CNR1: variants seen among roughly 807,000 people sequenced by gnomAD.
The protein encoded by CNR1 is cannabinoid receptor 1 (brain).
A neutral mutation model predicts 23.0 loss-of-function variants in CNR1; 10 were observed. The ratio of observed to expected loss-of-function variants is 0.43; its 90% confidence interval spans 0.27 to 0.74. The LOEUF (loss-of-function observed/expected upper bound fraction) is 0.74, where lower values mean the gene tolerates loss of function less well. CNR1 is among the 30% of genes least tolerant of loss of function. CNR1 has a pLI of 0.19. For missense variants in CNR1, 422 were observed against 618.8 expected (o/e 0.68, Z 3.37); for synonymous variants, 271 against 255.2 (o/e 1.06, Z -0.59).
intron 1 of CNR1, among the ~76,000 whole-genome samples, chr6:88,161,041 C>T (rs1165938573): frequency 2.0e-5 from 3 of 152,034 alleles, no homozygotes. Flanking sequence ...AGAGAAAAGG[C>T]AAACTAAATT....
At chr6:88,150,997 G>C (rs1777490790) in intron 1 of CNR1, among the ~76,000 whole-genome samples, 1 of 152,120 alleles carries the variant, frequency 6.6e-6, no homozygotes, top group Non-Finnish European at 1.5e-5. Flanking sequence ...TCTACAATCA[G>C]GTAGACCACT....
At position 88,163,387 on chromosome 6, in the gene CNR1, T is replaced by C. The variant is rs58149327; in HGVS notation, c.-64+2416A>G. Among the ~76,000 whole-genome samples, 283 of 152,366 alleles carry C rather than the reference T, an allele frequency of 1.9e-3. 2 individuals carry two copies. Among genetic ancestry groups the C allele is most frequent in the African/African-American group, 6.6e-3 (274 of 41,588 alleles). ...CCAACTGTTTTCTGGTAAGAAACAT[T>C]TGGTAAGCGTGGTGAACTATAAACT... On this transcript the variant is annotated intron_variant, in intron 1 of 1. Transcript: ENST00000369501.
chr6:88,153,288 G>T (rs1777625580), intron 1 of CNR1, among the ~76,000 whole-genome samples: 1 of 151,884 alleles, frequency 6.6e-6, no homozygotes, highest in Non-Finnish European at 1.5e-5. Flanking sequence ...GCATAAAGTT[G>T]TTGTTTTTTT....
At chr6:88,159,303 C>T (rs1238635974) in intron 1 of CNR1, among the ~76,000 whole-genome samples, 5 of 152,114 alleles carry the variant, frequency 3.3e-5, no homozygotes, top group Non-Finnish European at 5.9e-5. Context: ...CAGGAAAGAA[C>T]GAACTAAAAT....
intron 1 of CNR1, among the ~76,000 whole-genome samples, chr6:88,155,977 G>C (rs187676566): frequency 1.3e-3 from 198 of 152,268 alleles, no homozygotes; most frequent in African/African-American, 4.5e-3. Flanking sequence ...ATTAGTAAAT[G>C]AAAGCTTCAA....
chr6:88,146,982 G>A (rs896351385), intron 1 of CNR1, among the ~76,000 whole-genome samples: 1 of 152,084 alleles, frequency 6.6e-6, no homozygotes, highest in African/African-American at 2.4e-5. Flanking sequence ...CACTAGTGTT[G>A]ACAGCATCAA....
chr6:88,152,649 T>C (rs890446556), intron 1 of CNR1, among the ~76,000 whole-genome samples: 3 of 152,238 alleles, frequency 2.0e-5, no homozygotes, highest in African/African-American at 7.2e-5. Context: ...TTTTATGTAG[T>C]TCAAAGATCT....
intron 1 of CNR1, among the ~76,000 whole-genome samples, chr6:88,146,929 G>A (rs964719089): frequency 1.3e-5 from 2 of 152,060 alleles, no homozygotes; most frequent in Admixed American, 6.5e-5. Flanking sequence ...AAATTATGGA[G>A]CATCCACTAT....
At chr6:88,146,944 T>C (rs1051654807) in intron 1 of CNR1, among the ~76,000 whole-genome samples, 1 of 152,166 alleles carries the variant, frequency 6.6e-6, no homozygotes, top group African/African-American at 2.4e-5. Flanking sequence ...CACTATGCAC[T>C]TGTATTATGT....
At chr6:88,161,702 A>G (rs1212875264) in intron 1 of CNR1, among the ~76,000 whole-genome samples, 1 of 152,236 alleles carries the variant, frequency 6.6e-6, no homozygotes, top group East Asian at 1.9e-4. Flanking sequence ...AATATGTATT[A>G]AACATGCCAT....
Position 88,141,021 on chromosome 6 carries a change from T to C in CNR1, c.*2835A>G, listed in dbSNP as rs1228553826. ...GAATTTGGCCCTTTCTGAACATGTG[T>C]GATGGTAAAATGCATGGTCAGGGCA... is the stretch of plus-strand genomic sequence containing the variant. On this transcript the variant is annotated 3_prime_UTR_variant, in exon 2 of 2. Coordinates refer to ENST00000369501, the MANE Select transcript of CNR1 (RefSeq NM_016083.6). 1.3e-5 allele frequency: 2 copies of C among 152,270 alleles called. No individual in the cohort carries two copies. Among genetic ancestry groups the C allele is most frequent in the Non-Finnish European group, 2.9e-5 (2 of 68,042 alleles). The allele number at this position is 152,270 out of a possible 1,614,324, so 9.4% of individuals were successfully genotyped here.
Position 88,143,985 on chromosome 6 carries a change from G to C in CNR1, c.1290C>G (p.Asp430Glu). The change falls in exon 2 of 2, where the codon GAC (aspartate) becomes GAG (glutamate). Residue 430 changes from aspartate to glutamate, a missense_variant. Around this residue, in one of 4 missense-constraint regions of CNR1, gnomAD observed 79 missense variants for 98.0 expected, o/e 0.81. Transcript: ENST00000369501. ...QPLDNSMGDSDCLHKHANNAA... is the reference protein window; with the variant it reads ...QPLDNSMGDSECLHKHANNAA... The stretch of plus-strand genomic sequence containing the variant: ...CATTGTTTGCGTGTTTGTGCAGGCA[G>C]TCCGAGTCCCCCATGCTGTTATCCA... The C allele has an allele frequency of 2.5e-6, 4 of 1,614,086 alleles. No individual in the cohort carries two copies. Among genetic ancestry groups the C allele is most frequent in the African/African-American group, 1.3e-5 (1 of 75,004 alleles).
At chr6:88,152,556 A>G (rs1777585850) in intron 1 of CNR1, among the ~76,000 whole-genome samples, 1 of 152,226 alleles carries the variant, frequency 6.6e-6, no homozygotes, top group Non-Finnish European at 1.5e-5. Context: ...AAGCTAGGGC[A>G]TGGGTGTGGT....
At chr6:88,156,862 C>A (rs567404731) in intron 1 of CNR1, among the ~76,000 whole-genome samples, 1 of 152,176 alleles carries the variant, frequency 6.6e-6, no homozygotes, top group African/African-American at 2.4e-5. Flanking sequence ...GGGCATTAAA[C>A]CTGAATCTTG....
At chr6:88,158,976 G>C (rs540146741) in intron 1 of CNR1, among the ~76,000 whole-genome samples, 3 of 152,070 alleles carry the variant, frequency 2.0e-5, no homozygotes, top group African/African-American at 7.2e-5. Flanking sequence ...GACTTTTTCA[G>C]GAAACTTTTT....
intron 1 of CNR1, among the ~76,000 whole-genome samples, chr6:88,149,752 C>G (rs976176370): frequency 2.0e-5 from 3 of 152,228 alleles, no homozygotes; most frequent in African/African-American, 7.2e-5. Context: ...ACTTCCATGT[C>G]TGAGACCTTC....
upstream of CNR1, among the ~76,000 whole-genome samples, chr6:88,167,230 G>A (rs1778404271): frequency 6.6e-6 from 1 of 151,904 alleles, no homozygotes; most frequent in Admixed American, 6.5e-5. Context: ...GGGCCGGACT[G>A]GGGGCTCTGG....
At chr6:88,157,789 C>G (rs962479452) in intron 1 of CNR1, among the ~76,000 whole-genome samples, 1 of 152,104 alleles carries the variant, frequency 6.6e-6, no homozygotes, top group African/African-American at 2.4e-5. Context: ...CTGGTCCTAA[C>G]TCTGTGATGA....
At chr6:88,149,642 G>A (rs946368382) in intron 1 of CNR1, among the ~76,000 whole-genome samples, 2 of 152,080 alleles carry the variant, frequency 1.3e-5, no homozygotes, top group African/African-American at 4.8e-5. Flanking sequence ...TGAATACACC[G>A]TCATACCTGC....
Sources: allele counts gnomAD v4.1 joint callset (sites outside exome capture counted in the v4.1 genomes callset), GRCh38; gene constraint gnomAD v4.1.1; regional missense constraint gnomAD v4.1.1; transcripts MANE v1.5; gene names NCBI Gene and HGNC (gene_info 2026-07-23, HGNC 2026-07-21).